The following ABTB3 variants were observed in gnomAD, a reference collection of about 807,000 sequenced individuals.
ABTB3 encodes ankyrin repeat and BTB domain containing 3.
the ABTB3 span, among the ~76,000 whole-genome samples, chr12:107,469,874 C>CTATCTT: frequency 1.1e-5 from 1 of 92,954 alleles, no homozygotes; most frequent in African/African-American, 5.2e-5. Flanking sequence ...TCTTTTCTTT[C>CTATCTT]TTTCTTTCTT....
the ABTB3 span, among the ~76,000 whole-genome samples, chr12:107,630,956 T>C: frequency 6.6e-6 from 1 of 152,200 alleles, no homozygotes. Context: ...GTTTTTGTTT[T>C]TGTTTTAGAT....
the ABTB3 span, among the ~76,000 whole-genome samples, chr12:107,522,829 G>C: frequency 6.6e-6 from 1 of 151,640 alleles, no homozygotes; most frequent in African/African-American, 2.4e-5. Context: ...GGAAGGGAAG[G>C]AGGGAGGGAA....
At chr12:107,576,948 C>A in the ABTB3 span, among the ~76,000 whole-genome samples, 18 of 152,284 alleles carry the variant, frequency 1.2e-4, no homozygotes, top group African/African-American at 4.3e-4. Flanking sequence ...CTCCATCTTC[C>A]CTAGTCTACA....
chr12:107,395,677 G>A, the ABTB3 span, among the ~76,000 whole-genome samples: 8 of 152,124 alleles, frequency 5.3e-5, no homozygotes, highest in Admixed American at 1.3e-4. Flanking sequence ...ACTTGGCCAC[G>A]CTCCCCAGGT....
the ABTB3 span, among the ~76,000 whole-genome samples, chr12:107,647,315 G>C: frequency 7.9e-5 from 12 of 152,062 alleles, no homozygotes; most frequent in Admixed American, 1.3e-4. Context: ...GGGTGACAGA[G>C]TGAGGCCCTG....
the ABTB3 span, among the ~76,000 whole-genome samples, chr12:107,605,590 G>T: frequency 3.9e-5 from 6 of 152,206 alleles, no homozygotes; most frequent in Non-Finnish European, 7.4e-5. Context: ...GTAGAGCTCA[G>T]CAGGCCCCTC....
the ABTB3 span, among the ~76,000 whole-genome samples, chr12:107,657,051 C>CA: frequency 0.19 from 28,147 of 151,650 alleles, 3,591 homozygotes; most frequent in East Asian, 0.54. Flanking sequence ...TCAAAAAAAA[C>CA]AAAAAAAAGA....
the ABTB3 span, among the ~76,000 whole-genome samples, chr12:107,417,294 G>A: frequency 3.9e-5 from 6 of 152,096 alleles, no homozygotes; most frequent in Non-Finnish European, 5.9e-5. Flanking sequence ...CCACAAACTG[G>A]GTGGCTCAGC....
At chr12:107,409,103 C>T in the ABTB3 span, among the ~76,000 whole-genome samples, 1 of 152,346 alleles carries the variant, frequency 6.6e-6, no homozygotes, top group Admixed American at 6.5e-5. Context: ...CTCACCTTCC[C>T]TCTCTTCTGT....
At chr12:107,328,339 G>A in the ABTB3 span, among the ~76,000 whole-genome samples, 1 of 152,222 alleles carries the variant, frequency 6.6e-6, no homozygotes, top group Non-Finnish European at 1.5e-5. Context: ...ATGACATAAT[G>A]AATGTGAAAC....
chr12:107,450,669 T>C, the ABTB3 span, among the ~76,000 whole-genome samples: 1 of 152,152 alleles, frequency 6.6e-6, no homozygotes, highest in African/African-American at 2.4e-5. Context: ...TAATCCTCCT[T>C]CCTGTGATAT....
At chr12:107,471,143 A>G in the ABTB3 span, among the ~76,000 whole-genome samples, 1 of 152,210 alleles carries the variant, frequency 6.6e-6, no homozygotes, top group African/African-American at 2.4e-5. Context: ...AAACCCCTCT[A>G]TGGTGCTTTT....
chr12:107,380,070 C>A, the ABTB3 span, among the ~76,000 whole-genome samples: 541 of 152,246 alleles, frequency 3.6e-3, 8 homozygotes, highest in African/African-American at 0.012. Flanking sequence ...TCGTCTGTGA[C>A]CCTTAAAAGA....
At chr12:107,522,415 A>G in the ABTB3 span, among the ~76,000 whole-genome samples, 11 of 152,278 alleles carry the variant, frequency 7.2e-5, no homozygotes, top group East Asian at 1.9e-3. Context: ...TTTGTAGAGC[A>G]TGCAATTCAG....
the ABTB3 span, among the ~76,000 whole-genome samples, chr12:107,349,136 G>T: frequency 1.3e-5 from 2 of 152,182 alleles, no homozygotes; most frequent in Admixed American, 1.3e-4. Flanking sequence ...GGTGGTGACT[G>T]GTCAGCTTCC....
the ABTB3 span, among the ~76,000 whole-genome samples, chr12:107,433,849 G>A: frequency 6.6e-6 from 1 of 152,176 alleles, no homozygotes; most frequent in Non-Finnish European, 1.5e-5. Context: ...ACACAGTAAT[G>A]GAGGCTGGAA....
At chr12:107,564,673 G>A in the ABTB3 span, among the ~76,000 whole-genome samples, 32 of 152,290 alleles carry the variant, frequency 2.1e-4, no homozygotes, top group African/African-American at 7.0e-4. Flanking sequence ...TGACTGATGC[G>A]AAATCTCCTG....
At chr12:107,614,623 G>A in the ABTB3 span, among the ~76,000 whole-genome samples, 2 of 152,154 alleles carry the variant, frequency 1.3e-5, no homozygotes, top group African/African-American at 2.4e-5. Context: ...AGGCCAGAAA[G>A]CTAGCTCATT....
the ABTB3 span, among the ~76,000 whole-genome samples, chr12:107,427,087 CA>C: frequency 2.0e-5 from 3 of 152,164 alleles, no homozygotes; most frequent in Non-Finnish European, 2.9e-5. Flanking sequence ...GTCAGAAGCC[CA>C]AAATGAGGCT....
Sources: gnomAD v4.1 joint callset for allele counts (sites outside exome capture counted in the v4.1 genomes callset) on GRCh38, gnomAD v4.1.1 for gene constraint, MANE v1.5 for transcripts, NCBI Gene and HGNC (gene_info 2026-07-23, HGNC 2026-07-21) for gene names.